GRIA1: variants seen among roughly 807,000 people sequenced by gnomAD.
The protein encoded by GRIA1 is glutamate ionotropic receptor AMPA type subunit 1, also known as glutamate receptor 1.
In GRIA1, 31 loss-of-function variants were observed where a neutral mutation model predicts 99.2. The ratio of observed to expected loss-of-function variants is 0.31; its 90% CI spans 0.23 to 0.42. The LOEUF is 0.42. Ranked by LOEUF, GRIA1 falls within the 10% of genes least tolerant of loss-of-function variation. The pLI is 1.00. For missense variants in GRIA1, 782 were observed against 1,157.5 expected (o/e 0.68, Z 4.71); for synonymous variants, 438 against 432.4 (o/e 1.01, Z -0.16).
chr5:153,537,627 G>T (rs1392395369), intron 2 of GRIA1, among the ~76,000 whole-genome samples: 1 of 152,222 alleles, frequency 6.6e-6, no homozygotes, highest in Non-Finnish European at 1.5e-5. Flanking sequence ...AATCATGTCT[G>T]TAAGGGACTT....
intron 1 of GRIA1, among the ~76,000 whole-genome samples, chr5:153,493,532 T>A (rs1754120324): frequency 6.6e-6 from 1 of 152,128 alleles, no homozygotes; most frequent in Admixed American, 6.5e-5. Flanking sequence ...GAGATGAGGC[T>A]GATGTAAGAA....
intron 11 of GRIA1, among the ~76,000 whole-genome samples, chr5:153,737,741 T>C (rs1216043645): frequency 1.3e-5 from 2 of 152,210 alleles, no homozygotes; most frequent in East Asian, 1.9e-4. Context: ...ACAACAACTA[T>C]GAGGCAAGCA....
At chr5:153,758,384 C>CA (rs1453637114) in intron 11 of GRIA1, among the ~76,000 whole-genome samples, 1 of 151,046 alleles carries the variant, frequency 6.6e-6, no homozygotes, top group African/African-American at 2.4e-5. Flanking sequence ...TAAATTAAAA[C>CA]AAAAAAATGG....
chr5:153,566,920 T>C (rs1181584344), intron 2 of GRIA1, among the ~76,000 whole-genome samples: 1 of 151,980 alleles, frequency 6.6e-6, no homozygotes. Context: ...CTTCACCATA[T>C]TGGCCAGGCT....
At chr5:153,512,078 T>C (rs1756135396) in intron 2 of GRIA1, among the ~76,000 whole-genome samples, 1 of 152,038 alleles carries the variant, frequency 6.6e-6, no homozygotes, top group Non-Finnish European at 1.5e-5. Context: ...ATGTCAAAAA[T>C]ACGAAAGAGG....
chr5:153,719,051 T>C (rs56263553), intron 11 of GRIA1, among the ~76,000 whole-genome samples: 8,013 of 152,288 alleles, frequency 0.053, 240 homozygotes, highest in Middle Eastern at 0.13. Context: ...CCTGCTCTCC[T>C]GAGCACCTGG....
At chr5:153,538,226 C>G (rs1161605442) in intron 2 of GRIA1, among the ~76,000 whole-genome samples, 1 of 152,112 alleles carries the variant, frequency 6.6e-6, no homozygotes, top group East Asian at 1.9e-4. Context: ...GAATTGTGCT[C>G]CCTTGATCAC....
intron 2 of GRIA1, among the ~76,000 whole-genome samples, chr5:153,589,003 A>C (rs2149384163): frequency 6.6e-6 from 1 of 152,334 alleles, no homozygotes; most frequent in East Asian, 1.9e-4. Flanking sequence ...AATGAAGTAA[A>C]AGAAAGTCAA....
chr5:153,746,267 G>A (rs149769206), intron 11 of GRIA1, among the ~76,000 whole-genome samples: 10 of 152,296 alleles, frequency 6.6e-5, no homozygotes, highest in African/African-American at 2.4e-4. Context: ...TAGCTCAGTT[G>A]GGGATATGTG....
chr5:153,528,202 T>C, intron 2 of GRIA1, among the ~76,000 whole-genome samples: 1 of 152,312 alleles, frequency 6.6e-6, no homozygotes, highest in East Asian at 1.9e-4. Flanking sequence ...GTTTCTCAAA[T>C]AAAAGAAACA....
chr5:153,608,946 T>C (rs909827742), intron 2 of GRIA1, among the ~76,000 whole-genome samples: 4 of 152,182 alleles, frequency 2.6e-5, no homozygotes, highest in Non-Finnish European at 5.9e-5. Flanking sequence ...ATTTCAGGGA[T>C]TGAGATGATT....
intron 2 of GRIA1, among the ~76,000 whole-genome samples, chr5:153,495,642 A>G (rs1432096512): frequency 1.3e-5 from 2 of 152,222 alleles, no homozygotes; most frequent in Admixed American, 6.5e-5. Flanking sequence ...TAAAATAGCA[A>G]TTCTTCATTT....
chr5:153,767,358 T>G (rs1239830295), intron 12 of GRIA1, among the ~76,000 whole-genome samples: 1 of 152,138 alleles, frequency 6.6e-6, no homozygotes, highest in East Asian at 1.9e-4. Flanking sequence ...ATATAAAGCC[T>G]AAAATGAGGG....
At chr5:153,790,255 A>G (rs1471202479) in intron 13 of GRIA1, among the ~76,000 whole-genome samples, 5 of 152,236 alleles carry the variant, frequency 3.3e-5, no homozygotes, top group Admixed American at 2.6e-4. Flanking sequence ...AAGACATTTT[A>G]GTCTTTGAGG....
chr5:153,795,654 C>T, intron 14 of GRIA1: 1 of 932,734 alleles, frequency 1.1e-6, no homozygotes. Flanking sequence ...TGAACAGTGT[C>T]CTCCGAGCCT....
At position 153,801,939 on chromosome 5, in the gene GRIA1, G is replaced by A. The variant is rs143827240; in HGVS notation, c.2386-417G>A. Reference sequence around the variant, plus strand: ...GAGGCCAATGGGTTACCAAGCAACAGAGGAAATTGGGGCGGGGGGGGGCGG... The same window carrying A: ...GAGGCCAATGGGTTACCAAGCAACAAAGGAAATTGGGGCGGGGGGGGGCGG... On this transcript the variant is annotated intron_variant, in intron 14 of 15. Transcript: ENST00000285900. Among the ~76,000 whole-genome samples the A allele has an allele frequency of 6.8e-3, 797 of 116,648 alleles. 8 individuals carry two copies. Among genetic ancestry groups the A allele is most frequent in the African/African-American group, 0.024 (759 of 31,746 alleles). 76.5% of individuals were successfully genotyped at this position (116,648 alleles called of 152,430 possible). A position where few individuals can be genotyped will look rare whatever the true frequency, so the allele number is the denominator to read the frequency against.
chr5:153,758,815 C>T (rs34700229), intron 11 of GRIA1, among the ~76,000 whole-genome samples: 13 of 151,830 alleles, frequency 8.6e-5, no homozygotes, highest in African/African-American at 2.7e-4. Context: ...ACATAGAAAA[C>T]GAGTATATCA....
chr5:153,722,347 T>C (rs1217639883), intron 11 of GRIA1, among the ~76,000 whole-genome samples: 2 of 152,224 alleles, frequency 1.3e-5, no homozygotes, highest in Admixed American at 6.5e-5. Flanking sequence ...CAAGATTTTT[T>C]CTTTATGCCT....
intron 2 of GRIA1, among the ~76,000 whole-genome samples, chr5:153,565,531 C>T (rs982642379): frequency 6.6e-5 from 10 of 152,120 alleles, no homozygotes; most frequent in African/African-American, 2.2e-4. Flanking sequence ...ATACATTCAT[C>T]GCCATAATCT....
Sources: allele counts gnomAD v4.1 joint callset (sites outside exome capture counted in the v4.1 genomes callset), GRCh38; gene constraint gnomAD v4.1.1; transcripts MANE v1.5; gene names NCBI Gene and HGNC (gene_info 2026-07-23, HGNC 2026-07-21).